The following EYS variants were observed in gnomAD, a reference collection of about 807,000 sequenced individuals.
EYS encodes EGF-like photoreceptor maintenance factor.
EYS carries 250 observed loss-of-function variants against 282.1 expected under a neutral mutation model. The observed-to-expected ratio is 0.89, with a 90% CI of 0.80 to 0.98. EYS has a LOEUF of 0.98. Among genes scored for constraint, EYS ranks in the 50% least tolerant of loss-of-function variants. The pLI is 0.00. For missense variants in EYS, 4,016 were observed against 3,709.0 expected (o/e 1.08, Z -2.15); for synonymous variants, 1,355 against 1,282.9 (o/e 1.06, Z -1.20).
At chr6:64,164,064 A>G (rs1251579181) in intron 31 of EYS, among the ~76,000 whole-genome samples, 1 of 152,126 alleles carries the variant, frequency 6.6e-6, no homozygotes. Context: ...AGCATCAGAA[A>G]ATGTGTAAAG....
At chr6:63,779,010 GTAA>G (rs1398046599) in intron 39 of EYS, 1 of 150,006 alleles carries the variant, frequency 6.7e-6, no homozygotes, top group Non-Finnish European at 1.5e-5. Flanking sequence ...TTAGCTATTT[GTAA>G]TATACGGTAA....
At chr6:64,986,767 T>TTAACTACACTTAAAAAC (rs377129364) in intron 14 of EYS, among the ~76,000 whole-genome samples, 1 of 150,674 alleles carries the variant, frequency 6.6e-6, no homozygotes, top group Admixed American at 6.7e-5. Flanking sequence ...AAAATTGATG[T>TTAACTACACTTAAAAAC]ATTTTAGAAA....
chr6:64,171,091 C>G (rs1764464930), intron 31 of EYS, among the ~76,000 whole-genome samples: 1 of 152,172 alleles, frequency 6.6e-6, no homozygotes, highest in Non-Finnish European at 1.5e-5. Flanking sequence ...CAGGGATAAC[C>G]TGCCCACTAC....
chr6:64,364,546 C>T (rs1246806799), intron 29 of EYS, among the ~76,000 whole-genome samples: 1 of 151,834 alleles, frequency 6.6e-6, no homozygotes, highest in Non-Finnish European at 1.5e-5. Flanking sequence ...CTCTTCCCTG[C>T]TAATGGTGAA....
chr6:64,417,954 G>A (rs1035433218), intron 28 of EYS, among the ~76,000 whole-genome samples: 5 of 152,262 alleles, frequency 3.3e-5, no homozygotes, highest in Admixed American at 2.0e-4. Context: ...TTACAGGCAC[G>A]AGCCACTGCG....
rs369841920 is a variant in EYS at position 63,833,052 on chromosome 6, T to C, written c.7229-26680A>G. Among the ~76,000 whole-genome samples the C allele has an allele frequency of 3.0e-4, 45 of 152,322 alleles. No individual in the cohort carries two copies. In the South Asian group the frequency reaches 4.3e-3, roughly 15 times the overall value. On this transcript the variant is annotated intron_variant, in intron 36 of 42. Transcript: ENST00000503581. ...TAAAAACTCTCAATAAACTAGGTAT[T>C]GATGGGATGTATCTCAAAATAATAA...
At chr6:65,361,669 T>C (rs1221749367) in intron 8 of EYS, among the ~76,000 whole-genome samples, 1 of 151,926 alleles carries the variant, frequency 6.6e-6, no homozygotes, top group Non-Finnish European at 1.5e-5. Context: ...TTTGTAGAAA[T>C]GGGGTTTTGC....
chr6:64,669,350 C>G (rs1350052358), intron 22 of EYS, among the ~76,000 whole-genome samples: 1 of 151,962 alleles, frequency 6.6e-6, no homozygotes. Context: ...GATATTCACC[C>G]TTTGATGCAA....
At chr6:64,633,023 T>C (rs1401948497) in intron 22 of EYS, among the ~76,000 whole-genome samples, 1 of 152,172 alleles carries the variant, frequency 6.6e-6, no homozygotes, top group East Asian at 1.9e-4. Flanking sequence ...CAAACTGAAT[T>C]ATAAAATAAG....
intron 36 of EYS, among the ~76,000 whole-genome samples, chr6:63,824,099 A>T (rs1771393574): frequency 6.6e-6 from 1 of 152,250 alleles, no homozygotes; most frequent in African/African-American, 2.4e-5. Context: ...ATAGCATCCC[A>T]CAATCTCGTC....
intron 35 of EYS, among the ~76,000 whole-genome samples, chr6:63,912,770 C>A (rs1187119297): frequency 6.6e-6 from 1 of 151,882 alleles, no homozygotes; most frequent in Non-Finnish European, 1.5e-5. Context: ...TAGAAGTGTG[C>A]AGCACTCCCC....
At chr6:63,891,068 A>G (rs1260439754) in intron 35 of EYS, among the ~76,000 whole-genome samples, 1 of 152,214 alleles carries the variant, frequency 6.6e-6, no homozygotes, top group Non-Finnish European at 1.5e-5. Flanking sequence ...TAGACCAATA[A>G]CAAGTTCTGA....
chr6:65,032,772 C>T (rs905913462), intron 13 of EYS, among the ~76,000 whole-genome samples: 1 of 151,790 alleles, frequency 6.6e-6, no homozygotes, highest in African/African-American at 2.4e-5. Flanking sequence ...TAGAATATTG[C>T]TATAAAAATA....
At position 64,591,474 on chromosome 6, in the gene EYS, C is replaced by T. The variant is rs747921119; in HGVS notation, c.4393G>A (p.Ala1465Thr). 1.0e-4 allele frequency: 158 copies of T among 1,551,268 alleles called. No individual in the cohort carries two copies. The highest frequency in any genetic ancestry group is 1.4e-4 in the Non-Finnish European group (155 of 1,146,746). The change falls in exon 26 of 43, where the codon GCT (alanine) becomes ACT (threonine). Residue 1465 changes from alanine (A) to threonine (T), a missense_variant. Ala to Thr is a moderately conservative substitution (Grantham distance 58). Coordinates refer to ENST00000503581, the MANE Select transcript of EYS (RefSeq NM_001142800.2). ...GAATATTCTTCAATATCCTCTTGAG[C>T]CCCCCTAGAGACAACTGGAGTTGCA... ...ISATPVVSRG[A>T]QEDIEEYSAD...
chr6:64,183,681 A>C (rs1463324955), intron 31 of EYS, among the ~76,000 whole-genome samples: 1 of 152,182 alleles, frequency 6.6e-6, no homozygotes, highest in Non-Finnish European at 1.5e-5. Flanking sequence ...GCTATAAAAA[A>C]CACTTCTTTC....
chr6:64,572,368 G>T (rs934588342), intron 26 of EYS, among the ~76,000 whole-genome samples: 1 of 152,074 alleles, frequency 6.6e-6, no homozygotes, highest in African/African-American at 2.4e-5. Flanking sequence ...ACCAGTAAAA[G>T]ACAAAGATGG....
intron 2 of EYS, among the ~76,000 whole-genome samples, chr6:65,558,141 T>G (rs1768891526): frequency 6.6e-6 from 1 of 152,198 alleles, no homozygotes; most frequent in Admixed American, 6.5e-5. Flanking sequence ...TAGAAACCTG[T>G]CTGCCTCCTA....
chr6:65,332,680 A>T (rs945729304), intron 11 of EYS, among the ~76,000 whole-genome samples: 2 of 151,034 alleles, frequency 1.3e-5, no homozygotes, highest in African/African-American at 4.8e-5. Flanking sequence ...CTTCTCTTCT[A>T]TTTTTGGAGG....
At chr6:64,602,345 T>G (rs1484627512) in intron 24 of EYS, among the ~76,000 whole-genome samples, 3 of 152,082 alleles carry the variant, frequency 2.0e-5, no homozygotes, top group African/African-American at 7.2e-5. Context: ...ACTCGTTTAA[T>G]TAAAATTTGA....
Sources: gnomAD v4.1 joint callset for allele counts (sites outside exome capture counted in the v4.1 genomes callset) on GRCh38, gnomAD v4.1.1 for gene constraint, MANE v1.5 for transcripts, NCBI Gene and HGNC (gene_info 2026-07-23, HGNC 2026-07-21) for gene names.